The following CDH13 variants were observed in gnomAD, a reference collection of about 807,000 sequenced individuals.
The protein encoded by CDH13 is cadherin-13.
CDH13 carries 24 observed loss-of-function variants against 63.8 expected under a neutral mutation model. The ratio of observed to expected loss-of-function variants is 0.38; its 90% CI spans 0.27 to 0.53. The LOEUF is 0.53. CDH13 is among the 20% of genes least tolerant of loss of function. The pLI is 0.85. For synonymous variants in CDH13, 503 were observed against 355.3 expected, an observed-to-expected ratio of 1.42 and a Z score of -4.67; for missense variants, 1,049 against 903.1, an observed-to-expected ratio of 1.16 and a Z score of -2.07.
chr16:83,407,033 A>G lies in CDH13; in HGVS notation c.781+62027A>G, dbSNP rs1481927619. 2.0e-5 allele frequency among the ~76,000 whole-genome samples: 3 copies of G among 152,210 alleles called. 1 individual carries two copies. The highest frequency in any genetic ancestry group is 4.4e-5 in the Non-Finnish European group (3 of 68,032). ...TGCCTGATGAAAGCTGAATTTTCTAAAATTGGTCTTGGCCTTCAAAAGATT... is the reference window on the plus strand; with the variant it reads ...TGCCTGATGAAAGCTGAATTTTCTAGAATTGGTCTTGGCCTTCAAAAGATT... On this transcript the variant is annotated intron_variant, in intron 6 of 13. Transcript: ENST00000567109.
intron 4 of CDH13, among the ~76,000 whole-genome samples, chr16:83,142,514 C>T (rs886857721): frequency 7.9e-5 from 12 of 152,132 alleles, no homozygotes; most frequent in Non-Finnish European, 1.3e-4. Flanking sequence ...TGAGGTTGAA[C>T]GTTACCTCCT....
chr16:82,899,671 T>C (rs1181129406), intron 2 of CDH13, among the ~76,000 whole-genome samples: 1 of 152,134 alleles, frequency 6.6e-6, no homozygotes, highest in East Asian at 1.9e-4. Flanking sequence ...GAGAGCATTT[T>C]TGCACTGGTT....
At chr16:82,770,625 G>A (rs2151096099) in intron 1 of CDH13, among the ~76,000 whole-genome samples, 1 of 152,316 alleles carries the variant, frequency 6.6e-6, no homozygotes, top group African/African-American at 2.4e-5. Flanking sequence ...TTTTTAAGCA[G>A]TCAATTTTCA....
At chr16:82,972,377 C>T (rs968558526) in intron 2 of CDH13, among the ~76,000 whole-genome samples, 1 of 152,268 alleles carries the variant, frequency 6.6e-6, no homozygotes. Context: ...TTGTTCATTC[C>T]ATTTCTGCAG....
chr16:83,184,347 G>A (rs2038447694), intron 4 of CDH13, among the ~76,000 whole-genome samples: 1 of 151,986 alleles, frequency 6.6e-6, no homozygotes, highest in African/African-American at 2.4e-5. Context: ...GCTTTCAATG[G>A]GATTGTCCTC....
At chr16:83,565,424 A>G (rs1904274806) in intron 7 of CDH13, among the ~76,000 whole-genome samples, 1 of 140,670 alleles carries the variant, frequency 7.1e-6, no homozygotes, top group Non-Finnish European at 1.5e-5. Context: ...TTTCGGAAGG[A>G]CTGATTACCG....
chr16:83,083,305 A>T (rs1196289878), intron 3 of CDH13, among the ~76,000 whole-genome samples: 3 of 152,186 alleles, frequency 2.0e-5, no homozygotes, highest in African/African-American at 7.2e-5. Flanking sequence ...AAGCATTAGG[A>T]CAATTTACAT....
intron 2 of CDH13, among the ~76,000 whole-genome samples, chr16:82,933,648 T>C (rs1477357862): frequency 5.3e-5 from 8 of 152,290 alleles, no homozygotes; most frequent in Non-Finnish European, 8.8e-5. Context: ...GGCAAGTCCC[T>C]TCCACCTATG....
intron 6 of CDH13, among the ~76,000 whole-genome samples, chr16:83,392,294 A>G (rs1339148100): frequency 6.6e-6 from 1 of 152,158 alleles, no homozygotes; most frequent in Non-Finnish European, 1.5e-5. Context: ...CCAATCTTAA[A>G]GCCTCCTTAG....
chr16:83,095,790 T>A (rs1176510212), intron 3 of CDH13, among the ~76,000 whole-genome samples: 1 of 152,186 alleles, frequency 6.6e-6, no homozygotes, highest in Non-Finnish European at 1.5e-5. Flanking sequence ...TCTATGATTC[T>A]CACTGTGGAA....
intron 6 of CDH13, among the ~76,000 whole-genome samples, chr16:83,459,371 A>G (rs1371417656): frequency 6.6e-6 from 1 of 152,242 alleles, no homozygotes. Flanking sequence ...ACACATGACT[A>G]TAAATAATTG....
intron 5 of CDH13, among the ~76,000 whole-genome samples, chr16:83,314,240 T>C (rs1158966391): frequency 2.0e-5 from 3 of 152,214 alleles, no homozygotes; most frequent in Non-Finnish European, 4.4e-5. Context: ...TCTTCTTCTT[T>C]TTTAACCAAC....
chr16:82,784,867 A>G (rs1218345438), intron 1 of CDH13, among the ~76,000 whole-genome samples: 39 of 152,302 alleles, frequency 2.6e-4, no homozygotes, highest in Non-Finnish European at 1.0e-4. Context: ...AATTTCAAAC[A>G]TTTTAGACCC....
chr16:83,420,416 A>G (rs2071681885), intron 6 of CDH13, among the ~76,000 whole-genome samples: 1 of 152,194 alleles, frequency 6.6e-6, no homozygotes, highest in African/African-American at 2.4e-5. Flanking sequence ...TACCAAGGAC[A>G]GCTCCCTAGA....
intron 2 of CDH13, among the ~76,000 whole-genome samples, chr16:82,915,019 A>G (rs1450466763): frequency 2.6e-5 from 4 of 152,234 alleles, no homozygotes; most frequent in African/African-American, 9.6e-5. Context: ...CACGATGTGC[A>G]GTGGTCTAAA....
chr16:83,176,440 G>A lies in CDH13; in HGVS notation c.484-40905G>A, dbSNP rs570194032. On this transcript the variant is annotated intron_variant, in intron 4 of 13. Transcript: ENST00000567109. ...CAGGAGAATTGCTTGAACCTGGGAG[G>A]CGGGGGTTGCAATGAGCCCAGATTG... Among the ~76,000 whole-genome samples the A allele has an allele frequency of 7.9e-4, 119 of 151,066 alleles. 1 individual carries two copies. Among genetic ancestry groups the A allele is most frequent in the African/African-American group, 2.9e-3 (118 of 41,066 alleles).
chr16:83,382,491 T>C (rs2091588074), intron 6 of CDH13, among the ~76,000 whole-genome samples: 1 of 152,138 alleles, frequency 6.6e-6, no homozygotes. Context: ...TCCCTATGTA[T>C]GTATCTATGT....
chr16:83,518,687 G>A (rs2074758098), intron 7 of CDH13, among the ~76,000 whole-genome samples: 1 of 150,862 alleles, frequency 6.6e-6, no homozygotes, highest in Admixed American at 6.6e-5. Context: ...TAGCCAGGAT[G>A]GTCTCGATCT....
At chr16:83,560,905 C>CT (rs957675451) in intron 7 of CDH13, among the ~76,000 whole-genome samples, 75 of 151,992 alleles carry the variant, frequency 4.9e-4, no homozygotes, top group Non-Finnish European at 9.6e-4. Context: ...GTTGGCCCCC[C>CT]CCCCGCCCCA....
Sources: gnomAD v4.1 joint callset for allele counts (sites outside exome capture counted in the v4.1 genomes callset) on GRCh38, gnomAD v4.1.1 for gene constraint, MANE v1.5 for transcripts, NCBI Gene and HGNC (gene_info 2026-07-23, HGNC 2026-07-21) for gene names.